The following LAMA2 variants were observed in gnomAD, a reference collection of about 807,000 sequenced individuals.
LAMA2 encodes laminin subunit alpha 2, also known as laminin subunit alpha-2.
In LAMA2, 269 loss-of-function variants were observed where a neutral mutation model predicts 364.8. The observed-to-expected ratio is 0.74, with a 90% CI of 0.67 to 0.82. The LOEUF (loss-of-function observed/expected upper bound fraction) is 0.82. Ranked by LOEUF, LAMA2 falls within the 40% of genes least tolerant of loss-of-function variation. The pLI is 0.00. For missense variants in LAMA2, 3,807 were observed against 3,873.2 expected, an observed-to-expected ratio of 0.98 and a Z score of 0.45; for synonymous variants, 1,379 against 1,370.6, an observed-to-expected ratio of 1.01 and a Z score of -0.14.
chr6:129,119,996 A>G (rs557315068), intron 4 of LAMA2, among the ~76,000 whole-genome samples: 1 of 152,360 alleles, frequency 6.6e-6, no homozygotes, highest in East Asian at 1.9e-4. Context: ...GACCAATTTA[A>G]GAAACTTGAA....
At chr6:129,285,283 T>A (rs1238875557) in intron 18 of LAMA2, among the ~76,000 whole-genome samples, 1 of 152,208 alleles carries the variant, frequency 6.6e-6, no homozygotes, top group African/African-American at 2.4e-5. Flanking sequence ...TGTGCTGAAG[T>A]GTTGCAGAAA....
intron 1 of LAMA2, among the ~76,000 whole-genome samples, chr6:128,891,527 G>C (rs1235273154): frequency 6.6e-6 from 1 of 151,984 alleles, no homozygotes; most frequent in Non-Finnish European, 1.5e-5. Context: ...TCATTGGTTT[G>C]TCGTGGTACA....
At chr6:129,234,822 T>C (rs1370584259) in intron 12 of LAMA2, among the ~76,000 whole-genome samples, 1 of 152,120 alleles carries the variant, frequency 6.6e-6, no homozygotes, top group East Asian at 1.9e-4. Flanking sequence ...ATAAAACATA[T>C]TATCGACTCT....
chr6:129,157,881 T>G, intron 8 of LAMA2: 1 of 1,614,236 alleles, frequency 6.2e-7, no homozygotes, highest in Non-Finnish European at 8.5e-7. Flanking sequence ...CAGGCTTTCG[T>G]CCAGCACTTC....
intron 1 of LAMA2, among the ~76,000 whole-genome samples, chr6:128,915,597 A>T (rs1778259122): frequency 6.6e-6 from 1 of 152,218 alleles, no homozygotes; most frequent in Non-Finnish European, 1.5e-5. Context: ...AAATGCCTTC[A>T]TGCTGTGTGA....
intron 48 of LAMA2, among the ~76,000 whole-genome samples, chr6:129,459,659 T>C (rs1042029978): frequency 6.6e-6 from 1 of 152,104 alleles, no homozygotes; most frequent in African/African-American, 2.4e-5. Context: ...ATACAAGTGC[T>C]TTTAAAAAAT....
intron 55 of LAMA2, among the ~76,000 whole-genome samples, chr6:129,484,786 T>A (rs925221216): frequency 1.3e-5 from 2 of 152,100 alleles, no homozygotes; most frequent in Non-Finnish European, 2.9e-5. Flanking sequence ...AAATCCACAT[T>A]TGTGGTTACC....
intron 1 of LAMA2, among the ~76,000 whole-genome samples, chr6:128,917,734 CTT>C (rs147581913): frequency 3.6e-4 from 40 of 111,718 alleles, no homozygotes; most frequent in African/African-American, 1.2e-3. Flanking sequence ...TTCTTTCTTT[CTT>C]TTTTTTTTTT....
chr6:129,515,313 C>G (rs1786960690), intron 64 of LAMA2, among the ~76,000 whole-genome samples: 1 of 152,216 alleles, frequency 6.6e-6, no homozygotes, highest in Non-Finnish European at 1.5e-5. Context: ...AATGTATATT[C>G]AGCAATTGTT....
chr6:128,956,021 A>C (rs747415664), intron 1 of LAMA2, among the ~76,000 whole-genome samples: 1 of 151,954 alleles, frequency 6.6e-6, no homozygotes, highest in Non-Finnish European at 1.5e-5. Context: ...TAATTCTTAC[A>C]TTATCATAAA....
chr6:129,312,725 A>T, intron 22 of LAMA2, 136 bp from the exon 23 acceptor site: 1 of 719,186 alleles, frequency 1.4e-6, no homozygotes, highest in South Asian at 1.6e-5. Flanking sequence ...AAGTGACTAA[A>T]CTAGAATAGT....
chr6:129,490,602 A>T (rs927461779), intron 56 of LAMA2: 3 of 152,258 alleles, frequency 2.0e-5, no homozygotes, highest in Non-Finnish European at 4.4e-5. Context: ...GTTGCTAAGA[A>T]GAGGCTGCTT....
chr6:128,929,508 C>T, intron 1 of LAMA2: 2 of 860,298 alleles, frequency 2.3e-6, no homozygotes, highest in Admixed American at 1.7e-5. Context: ...CCGACCAGAT[C>T]GATTCTGCTT....
At position 129,288,059 on chromosome 6, in the gene LAMA2, GTAAGTCCTGAAC is replaced by G; in HGVS notation, c.2749+4_2749+15del. The G allele has an allele frequency of 6.2e-7, 1 of 1,612,802 alleles. No homozygotes were observed. The highest frequency in any genetic ancestry group is 1.1e-5 in the South Asian group (1 of 91,050). ...GCAGTTGATGCGAAGAACTGTCAGC[GTAAGTCCTGAAC>G]TATTGATGCCCCTGACAGAATTGAT... On this transcript the variant is annotated splice_donor_variant and splice_donor_5th_base_variant and intron_variant, in intron 19 of 64. Coordinates refer to ENST00000421865, the MANE Select transcript of LAMA2 (RefSeq NM_000426.4). LOFTEE classifies it high-confidence loss of function.
intron 35 of LAMA2, 127 bp from the exon 36 acceptor site, chr6:129,391,364 C>T: frequency 1.2e-6 from 1 of 805,624 alleles, no homozygotes; most frequent in Non-Finnish European, 2.2e-6. Flanking sequence ...TCTGTGGTTC[C>T]CAGCAGGAAC....
intron 1 of LAMA2, among the ~76,000 whole-genome samples, chr6:129,035,068 C>G (rs1178803029): frequency 2.0e-5 from 3 of 152,052 alleles, no homozygotes; most frequent in Admixed American, 6.6e-5. Context: ...ATATTGATTT[C>G]CATAGGGGTT....
intron 4 of LAMA2, among the ~76,000 whole-genome samples, chr6:129,106,802 A>G (rs1775849370): frequency 2.0e-5 from 3 of 150,994 alleles, no homozygotes; most frequent in African/African-American, 7.3e-5. Flanking sequence ...AGATAAAATT[A>G]AGAGGATTAT....
chr6:129,042,910 C>G (rs1371657413), intron 1 of LAMA2, among the ~76,000 whole-genome samples: 1 of 151,962 alleles, frequency 6.6e-6, no homozygotes, highest in Non-Finnish European at 1.5e-5. Context: ...GTATCATTTC[C>G]CCCATTCATG....
chr6:129,316,319 C>T, intron 27 of LAMA2, 148 bp downstream of exon 27: 2 of 668,760 alleles, frequency 3.0e-6, no homozygotes, highest in Non-Finnish European at 5.1e-6. Flanking sequence ...TCCCTGTGAC[C>T]TGGAAGAAGC....
Sources: gnomAD v4.1 joint callset for allele counts (sites outside exome capture counted in the v4.1 genomes callset) on GRCh38, gnomAD v4.1.1 for gene constraint, MANE v1.5 for transcripts, NCBI Gene and HGNC (gene_info 2026-07-23, HGNC 2026-07-21) for gene names.